Variants in LUZP2 observed in about 807,000 individuals in gnomAD.
LUZP2 encodes leucine zipper protein 2.
LUZP2 carries 52 observed loss-of-function variants against 51.6 expected under a neutral mutation model. That is an observed-to-expected ratio of 1.01 (90% CI 0.81 to 1.27). The LOEUF (loss-of-function observed/expected upper bound fraction) is 1.27. Among genes scored for constraint, LUZP2 ranks in the 50% most tolerant of loss-of-function variants. The probability of loss-of-function intolerance (pLI) is 0.00; values close to 1 mark genes in which losing one functional copy is unlikely to be tolerated. For synonymous variants in LUZP2, 154 were observed against 137.3 expected, an observed-to-expected ratio of 1.12 and a Z score of -0.85; for missense variants, 436 against 395.4, an observed-to-expected ratio of 1.10 and a Z score of -0.87.
chr11:24,659,214 A>G (rs1855925515), intron 1 of LUZP2, among the ~76,000 whole-genome samples: 1 of 152,350 alleles, frequency 6.6e-6, no homozygotes, highest in Admixed American at 6.5e-5. Flanking sequence ...AATGTGGCAC[A>G]TATACACCAT....
intron 5 of LUZP2, among the ~76,000 whole-genome samples, chr11:24,902,315 A>G (rs964947355): frequency 6.6e-6 from 1 of 151,706 alleles, no homozygotes; most frequent in Admixed American, 6.6e-5. Context: ...CCCTCCTCCC[A>G]CCCTCAACAC....
intron 9 of LUZP2, among the ~76,000 whole-genome samples, chr11:24,993,704 T>A (rs1190242791): frequency 6.6e-6 from 1 of 152,220 alleles, no homozygotes; most frequent in Non-Finnish European, 1.5e-5. Context: ...TACATCCTTT[T>A]CAAATTATTA....
intron 7 of LUZP2, among the ~76,000 whole-genome samples, chr11:24,937,025 A>G (rs1006908005): frequency 2.0e-5 from 3 of 148,638 alleles, no homozygotes; most frequent in African/African-American, 7.5e-5. Flanking sequence ...CTTTTGTTCA[A>G]TCAGTGCCTC....
chr11:24,558,858 C>T (rs1851949337), intron 1 of LUZP2, among the ~76,000 whole-genome samples: 2 of 152,140 alleles, frequency 1.3e-5, no homozygotes, highest in African/African-American at 4.8e-5. Context: ...CCTCACTAGA[C>T]ATTGAATCTG....
chr11:25,042,122 G>A (rs1373744263), intron 9 of LUZP2, among the ~76,000 whole-genome samples: 8 of 151,962 alleles, frequency 5.3e-5, no homozygotes, highest in African/African-American at 1.9e-4. Flanking sequence ...ATATCAATTT[G>A]TTAAAATTTC....
intron 7 of LUZP2, among the ~76,000 whole-genome samples, chr11:24,950,044 C>T (rs1404606301): frequency 2.7e-5 from 4 of 148,334 alleles, no homozygotes; most frequent in Non-Finnish European, 6.0e-5. Context: ...TGGGTGGATA[C>T]CCATGATGGA....
At chr11:24,679,790 C>T (rs182640744) in intron 1 of LUZP2, among the ~76,000 whole-genome samples, 162 of 152,274 alleles carry the variant, frequency 1.1e-3, no homozygotes, top group Non-Finnish European at 3.1e-4. Flanking sequence ...TCCTTACCTA[C>T]TAAGACTTCA....
In LUZP2 at chr11:24,758,075, C is replaced by A. The variant is rs528791421; in HGVS notation, c.334-5171C>A. Reference sequence around the variant, plus strand: ...ATGTGAGCATATGCATTTATTATTGCAAATCAATTCATAACAATATGACTA... The same window carrying A: ...ATGTGAGCATATGCATTTATTATTGAAAATCAATTCATAACAATATGACTA... On this transcript the variant is annotated intron_variant, in intron 4 of 11. Transcript: ENST00000336930. 3.3e-4 allele frequency among the ~76,000 whole-genome samples: 50 copies of A among 152,070 alleles called. No homozygotes were observed. In the South Asian group the frequency reaches 0.01, roughly 31 times the overall value.
intron 1 of LUZP2, among the ~76,000 whole-genome samples, chr11:24,572,468 C>A (rs1362130199): frequency 6.6e-6 from 1 of 151,890 alleles, no homozygotes; most frequent in Admixed American, 6.6e-5. Context: ...TTATGGAGTT[C>A]ATTATTCTTT....
intron 1 of LUZP2, among the ~76,000 whole-genome samples, chr11:24,585,356 G>C (rs921373966): frequency 1.3e-5 from 2 of 152,174 alleles, no homozygotes; most frequent in African/African-American, 4.8e-5. Context: ...CCATCAGCCA[G>C]AATTCAGAAC....
At chr11:24,853,305 A>G (rs113443800) in intron 5 of LUZP2, among the ~76,000 whole-genome samples, 10,113 of 151,948 alleles carry the variant, frequency 0.067, 500 homozygotes, top group African/African-American at 0.14. Flanking sequence ...TTGTCTGTAA[A>G]GGATTTAGTT....
intron 1 of LUZP2, among the ~76,000 whole-genome samples, chr11:24,647,586 T>G (rs1827840609): frequency 6.6e-6 from 1 of 151,960 alleles, no homozygotes; most frequent in Non-Finnish European, 1.5e-5. Flanking sequence ...TTTTACTAAT[T>G]GGAAATCACT....
chr11:24,875,672 C>T (rs554233492), intron 5 of LUZP2, among the ~76,000 whole-genome samples: 7,772 of 149,688 alleles, frequency 0.052, 517 homozygotes, highest in African/African-American at 0.16. Flanking sequence ...CCTGAGGAAT[C>T]GCCACACTGA....
At position 24,937,607 on chromosome 11, in the gene LUZP2, A is replaced by G. The variant is rs1335023966; in HGVS notation, c.522+23069A>G. Among the ~76,000 whole-genome samples the G allele has an allele frequency of 4.6e-5, 7 of 152,218 alleles. No individual in the cohort carries two copies. In the South Asian group the frequency reaches 1.2e-3, roughly 27 times the overall value. On this transcript the variant is annotated intron_variant, in intron 7 of 11. Transcript: ENST00000336930. ...TATTGGTCTTAGTCTCATTCAAGAA[A>G]TACGTCATATGTGGCCGGGCGCGGT...
intron 1 of LUZP2, among the ~76,000 whole-genome samples, chr11:24,596,310 T>A (rs1853443792): frequency 6.6e-6 from 1 of 152,212 alleles, no homozygotes. Flanking sequence ...AAGAATAAGA[T>A]GTAAAATCAG....
rs191623240 is a variant in LUZP2, at chr11:24,912,582, G to T, written c.460-1894G>T. On this transcript the variant is annotated intron_variant, in intron 6 of 11. Coordinates refer to ENST00000336930, the MANE Select transcript of LUZP2 (RefSeq NM_001009909.4). ...CGAGCACTTTGGGATGCTGAGGTGG[G>T]CAGATTGCCTGAGCTCAGGAGTTCG... 5.1e-4 allele frequency among the ~76,000 whole-genome samples: 77 copies of T among 152,234 alleles called. 1 individual carries two copies. The highest frequency in any genetic ancestry group is 4.4e-3 in the Admixed American group (67 of 15,296).
chr11:24,766,155 G>A (rs967031078), intron 5 of LUZP2, among the ~76,000 whole-genome samples: 4 of 152,116 alleles, frequency 2.6e-5, no homozygotes, highest in Non-Finnish European at 5.9e-5. Context: ...GTACTGTTAT[G>A]ACTTAACAAA....
chr11:24,996,250 G>A (rs554188272), intron 9 of LUZP2, among the ~76,000 whole-genome samples: 1 of 150,206 alleles, frequency 6.7e-6, no homozygotes, highest in Non-Finnish European at 1.5e-5. Context: ...GGATTTCATT[G>A]TTTTCTATTA....
At position 24,901,996 on chromosome 11, in the gene LUZP2, T is replaced by C. The variant is rs538014350; in HGVS notation, c.397-3995T>C. Among the ~76,000 whole-genome samples, 13 of 152,270 alleles carry C rather than the reference T, an allele frequency of 8.5e-5. No individual in the cohort carries two copies. The South Asian group carries it at 2.7e-3, about 32-fold the overall frequency. On this transcript the variant is annotated intron_variant, in intron 5 of 11. Coordinates refer to ENST00000336930, the MANE Select transcript of LUZP2 (RefSeq NM_001009909.4). ...AGCAGTGTAATATTTTGGTCTCCCTTAATAAATCAAACATAGGTTAATATT... is the reference window on the plus strand; with the variant it reads ...AGCAGTGTAATATTTTGGTCTCCCTCAATAAATCAAACATAGGTTAATATT...
Sources: gnomAD v4.1 joint callset for allele counts (sites outside exome capture counted in the v4.1 genomes callset) on GRCh38, gnomAD v4.1.1 for gene constraint, MANE v1.5 for transcripts, NCBI Gene and HGNC (gene_info 2026-07-23, HGNC 2026-07-21) for gene names.